SVOP: variants seen among roughly 807,000 people sequenced by gnomAD.
SVOP encodes SV2 related protein.
A neutral mutation model predicts 69.1 loss-of-function variants in SVOP; 17 were observed. That is an observed-to-expected ratio of 0.25 (90% CI 0.17 to 0.37). The LOEUF (loss-of-function observed/expected upper bound fraction) is 0.37. Among genes scored for constraint, SVOP ranks in the 10% least tolerant of loss-of-function variants. The probability of loss-of-function intolerance (pLI) is 1.00; values close to 1 mark genes in which losing one functional copy is unlikely to be tolerated. For missense variants in SVOP, 435 were observed against 597.5 expected (o/e 0.73, Z 2.84); for synonymous variants, 238 against 238.6 (o/e 1.00, Z 0.02).
chr12:108,936,219 T>C (rs1356032422), intron 10 of SVOP, among the ~76,000 whole-genome samples: 4 of 151,898 alleles, frequency 2.6e-5, no homozygotes, highest in African/African-American at 9.7e-5. Context: ...CTAATTTTTG[T>C]ATTTTAGTAG....
chr12:109,002,667 A>G (rs2040279422), intron 1 of SVOP, among the ~76,000 whole-genome samples: 1 of 151,878 alleles, frequency 6.6e-6, no homozygotes, highest in South Asian at 2.1e-4. Context: ...AGGGACATGG[A>G]TGAAATTGGA....
chr12:108,986,569 C>T (rs1442170350), intron 1 of SVOP, among the ~76,000 whole-genome samples: 1 of 152,172 alleles, frequency 6.6e-6, no homozygotes, highest in Non-Finnish European at 1.5e-5. Flanking sequence ...TTGAAGCCAT[C>T]CTGTCTCCAT....
Position 108,910,413 on chromosome 12 carries a change from T to C in SVOP, c.*2122A>G, listed in dbSNP as rs1039330662. The C allele has an allele frequency of 2.6e-5, 4 of 152,368 alleles. No homozygotes were observed. Among genetic ancestry groups the C allele is most frequent in the African/African-American group, 7.2e-5 (3 of 41,560 alleles). The allele number at this position is 152,368 out of a possible 1,614,324, so 9.4% of individuals were successfully genotyped here. A position where few individuals can be genotyped will look rare whatever the true frequency, so the allele number is the denominator to read the frequency against. On this transcript the variant is annotated 3_prime_UTR_variant, in exon 16 of 16. Transcript: ENST00000610966. ...TTATTCTAGGGTGAGGGAGCGGACA[T>C]GATCATCCAGTAGCGTCTGACCAGC...
rs1312966579 is a variant in SVOP at position 108,945,126 on chromosome 12, C to A, written c.619G>T (p.Ala207Ser). The change falls in exon 7 of 16, where the codon GCT becomes TCT. Residue 207 changes from alanine (A) to serine (S), a missense_variant. Coordinates refer to ENST00000610966, the MANE Select transcript of SVOP (RefSeq NM_018711.5). Reference protein sequence around the residue: ...YAEFLPMKARAKCILLIEVFW... With the variant: ...YAEFLPMKARSKCILLIEVFW... Reference sequence around the variant, plus strand: ...ACCTCAATCAGCAAAATACATTTAGCTCTGGCTTTCATGGGAAGGAACTCG... The same window carrying A: ...ACCTCAATCAGCAAAATACATTTAGATCTGGCTTTCATGGGAAGGAACTCG... 3 of 1,537,088 alleles carry A rather than the reference C, an allele frequency of 2.0e-6. No individual in the cohort carries two copies. The highest frequency in any genetic ancestry group is 2.6e-6 in the Non-Finnish European group (3 of 1,146,836).
rs200882755 is a variant in SVOP at position 108,979,090 on chromosome 12, T to TATATGTATGC, written c.197-428_197-427insGCATACATAT. On this transcript the variant is annotated intron_variant, in intron 2 of 15. Coordinates refer to ENST00000610966, the MANE Select transcript of SVOP (RefSeq NM_018711.5). The stretch of plus-strand genomic sequence containing the variant: ...TCTTGGAAATGTACGCATGTGGGTG[T>TATATGTATGC]ACATGTATCTATCCGTAGAATATAT... 2.0e-5 allele frequency among the ~76,000 whole-genome samples: 3 copies of TATATGTATGC among 151,614 alleles called. No homozygotes were observed. The East Asian group carries it at 5.8e-4, about 29-fold the overall frequency.
At chr12:109,015,735 G>A (rs1284435364) in intron 1 of SVOP, among the ~76,000 whole-genome samples, 1 of 152,162 alleles carries the variant, frequency 6.6e-6, no homozygotes, top group Non-Finnish European at 1.5e-5. Context: ...AGAGGTTGCG[G>A]TGAGCTGAGA....
chr12:108,992,938 A>C (rs372285860), intron 1 of SVOP, among the ~76,000 whole-genome samples: 3 of 152,324 alleles, frequency 2.0e-5, no homozygotes, highest in East Asian at 1.9e-4. Flanking sequence ...CTGGGGTGGC[A>C]CATGTGTCTG....
chr12:108,943,774 T>TTTC (rs1267949874), intron 7 of SVOP, among the ~76,000 whole-genome samples: 1 of 151,800 alleles, frequency 6.6e-6, no homozygotes, highest in South Asian at 2.1e-4. Context: ...TACATTTCCT[T>TTTC]TTCTTCTTCT....
At chr12:108,941,177 A>G (rs2039889355) in intron 7 of SVOP, among the ~76,000 whole-genome samples, 1 of 152,160 alleles carries the variant, frequency 6.6e-6, no homozygotes, top group Non-Finnish European at 1.5e-5. Flanking sequence ...AAGGAGATCA[A>G]TGTGACCAAT....
chr12:108,942,728 G>T (rs755805448), intron 7 of SVOP, among the ~76,000 whole-genome samples: 3 of 152,212 alleles, frequency 2.0e-5, no homozygotes, highest in African/African-American at 4.8e-5. Context: ...TAACACCCTG[G>T]CAGGGACTTT....
intron 1 of SVOP, among the ~76,000 whole-genome samples, chr12:109,020,040 T>G (rs935471052): frequency 2.0e-5 from 3 of 152,128 alleles, no homozygotes; most frequent in African/African-American, 7.2e-5. Flanking sequence ...TAATGCCCCC[T>G]CTCATACTCT....
At chr12:108,925,622 A>G (rs1566048595) in intron 11 of SVOP, among the ~76,000 whole-genome samples, 1 of 152,118 alleles carries the variant, frequency 6.6e-6, no homozygotes, top group Non-Finnish European at 1.5e-5. Flanking sequence ...AAGGCCCTAT[A>G]TTATCTGGCA....
At position 108,909,952 on chromosome 12, in the gene SVOP, TTTTTG is replaced by T. The variant is rs900010497; in HGVS notation, c.*2578_*2582del. The T allele has an allele frequency of 2.6e-5, 4 of 152,008 alleles. No individual in the cohort carries two copies. Among genetic ancestry groups the T allele is most frequent in the East Asian group, 1.9e-4 (1 of 5,190 alleles). The allele number at this position is 152,008 out of a possible 1,614,324, so 9.4% of individuals were successfully genotyped here. A position where few individuals can be genotyped will look rare whatever the true frequency, so the allele number is the denominator to read the frequency against. Reference sequence around the variant, plus strand: ...GGCAGGCTATTTACAAGGCAAAGAGTTTTTGTTTTGTTTTGTTTTGTTTTTGAGAT... The same window carrying T: ...GGCAGGCTATTTACAAGGCAAAGAGTTTTTGTTTTGTTTTGTTTTTGAGAT... On this transcript the variant is annotated 3_prime_UTR_variant, in exon 16 of 16. Transcript: ENST00000610966.
At chr12:109,020,786 T>C (rs1265683287) in intron 1 of SVOP, 48 bp downstream of exon 1, 3 of 445,622 alleles carry the variant, frequency 6.7e-6, no homozygotes, top group Non-Finnish European at 1.3e-5. Context: ...GGTTTTCGTT[T>C]TTTAAAAGAA....
In SVOP at chr12:108,937,589, T is replaced by G. The variant is rs572606453; in HGVS notation, c.898-252A>C. Reference sequence around the variant, plus strand: ...CGCCCTCCAACCTGGAAACCTGGACTTGGGAAGCAGATCCCTCCTTCCTGG... The same window carrying G: ...CGCCCTCCAACCTGGAAACCTGGACGTGGGAAGCAGATCCCTCCTTCCTGG... On this transcript the variant is annotated intron_variant, in intron 9 of 15. Coordinates refer to ENST00000610966, the MANE Select transcript of SVOP (RefSeq NM_018711.5). 2.0e-5 allele frequency among the ~76,000 whole-genome samples: 3 copies of G among 152,074 alleles called. No individual in the cohort carries two copies. In the South Asian group the frequency reaches 6.2e-4, roughly 32 times the overall value.
intron 8 of SVOP, among the ~76,000 whole-genome samples, chr12:108,940,359 A>T (rs911935346): frequency 6.6e-6 from 1 of 152,168 alleles, no homozygotes; most frequent in Admixed American, 6.6e-5. Flanking sequence ...CACAGATGAG[A>T]TGAAGAGATC....
At chr12:108,969,993 C>A (rs890626794) in intron 5 of SVOP, among the ~76,000 whole-genome samples, 1 of 152,206 alleles carries the variant, frequency 6.6e-6, no homozygotes, top group Non-Finnish European at 1.5e-5. Context: ...CGAGGCCCAT[C>A]ATGGCTGCAT....
chr12:108,977,468 AG>A lies in SVOP; in HGVS notation c.310del (p.Leu104SerfsTer22). 1 of 1,537,030 alleles carries A rather than the reference AG, an allele frequency of 6.5e-7. No homozygotes were observed. Among genetic ancestry groups the A allele is most frequent in the Non-Finnish European group, 8.7e-7 (1 of 1,146,740 alleles). ...WMADAMEMMI[L>X]SILAPQLHCE... The stretch of plus-strand genomic sequence containing the variant: ...ATGCAGCTGTGGTGCCAGGATGCTG[AG>A]GATCATCATCTCCATGGCATCAGCC... On this transcript the variant is annotated frameshift_variant, in exon 4 of 16. Coordinates refer to ENST00000610966, the MANE Select transcript of SVOP (RefSeq NM_018711.5). LOFTEE classifies it high-confidence loss of function.
Position 108,912,154 on chromosome 12 carries a change from G to T in SVOP, c.*381C>A. 9.5e-7 allele frequency: 1 copy of T among 1,056,188 alleles called. No homozygotes were observed. Among genetic ancestry groups the T allele is most frequent in the South Asian group, 3.5e-5 (1 of 28,874 alleles). The allele number at this position is 1,056,188 out of a possible 1,614,324, so 65.4% of individuals were successfully genotyped here. ...GTGGGTGGACAGCAGGTGTCACATG[G>T]GCCTGAGCCTGGACGGTATCTACAG... On this transcript the variant is annotated 3_prime_UTR_variant, in exon 16 of 16. Transcript: ENST00000610966.
Sources: allele counts gnomAD v4.1 joint callset (sites outside exome capture counted in the v4.1 genomes callset), GRCh38; gene constraint gnomAD v4.1.1; transcripts MANE v1.5; gene names NCBI Gene and HGNC (gene_info 2026-07-23, HGNC 2026-07-21).